PLCB1: variants seen among roughly 807,000 people sequenced by gnomAD.
The protein encoded by PLCB1 is 1-phosphatidylinositol 4,5-bisphosphate phosphodiesterase beta-1.
A neutral mutation model predicts 161.8 loss-of-function variants in PLCB1; 46 were observed. That is an observed-to-expected ratio of 0.28 (90% CI 0.22 to 0.36). PLCB1 has a LOEUF of 0.36. Ranked by LOEUF, PLCB1 falls within the 10% of genes least tolerant of loss-of-function variation. The probability of loss-of-function intolerance (pLI) is 1.00; values close to 1 mark genes in which losing one functional copy is unlikely to be tolerated. For synonymous variants in PLCB1, 517 were observed against 503.7 expected (o/e 1.03, Z -0.35); for missense variants, 1,016 against 1,472.5 (o/e 0.69, Z 5.07).
At chr20:8,810,175 A>G (rs774863412) in intron 31 of PLCB1, among the ~76,000 whole-genome samples, 11 of 152,216 alleles carry the variant, frequency 7.2e-5, no homozygotes, top group Non-Finnish European at 1.3e-4. Context: ...TTGAAAATGT[A>G]ATACCATCTG....
chr20:8,353,399 A>G (rs1020950238), intron 2 of PLCB1, among the ~76,000 whole-genome samples: 1 of 152,132 alleles, frequency 6.6e-6, no homozygotes, highest in Non-Finnish European at 1.5e-5. Context: ...ATGTAGGAGC[A>G]TAACTGCCTT....
intron 2 of PLCB1, among the ~76,000 whole-genome samples, chr20:8,329,319 A>ATTTTTTTT (rs1568634024): frequency 7.1e-6 from 1 of 141,306 alleles, no homozygotes. Flanking sequence ...TAAAATAAAT[A>ATTTTTTTT]CTTTTTTTTT....
intron 3 of PLCB1, among the ~76,000 whole-genome samples, chr20:8,465,176 T>C (rs2122697837): frequency 6.6e-6 from 1 of 152,256 alleles, no homozygotes; most frequent in East Asian, 1.9e-4. Flanking sequence ...TGGAACTTTC[T>C]TTTAAGTGTT....
At chr20:8,536,594 A>C (rs138914634) in intron 3 of PLCB1, among the ~76,000 whole-genome samples, 1 of 152,282 alleles carries the variant, frequency 6.6e-6, no homozygotes, top group Non-Finnish European at 1.5e-5. Flanking sequence ...TAGACATCCC[A>C]GGTGATCATC....
chr20:8,742,985 A>G (rs1394446252), intron 23 of PLCB1, among the ~76,000 whole-genome samples: 1 of 152,236 alleles, frequency 6.6e-6, no homozygotes, highest in Admixed American at 6.5e-5. Flanking sequence ...ATACAAGATC[A>G]TGTTATCTGC....
intron 24 of PLCB1, among the ~76,000 whole-genome samples, chr20:8,757,415 C>T (rs539287327): frequency 2.6e-4 from 39 of 152,274 alleles, no homozygotes; most frequent in Admixed American, 1.8e-3. Flanking sequence ...CCCAGATTTC[C>T]GGTGTCCTTT....
chr20:8,711,053 A>T (rs1359019510), intron 12 of PLCB1, among the ~76,000 whole-genome samples: 1 of 152,206 alleles, frequency 6.6e-6, no homozygotes, highest in Non-Finnish European at 1.5e-5. Flanking sequence ...AGGTGCTTCT[A>T]AGAGTAAATA....
chr20:8,269,118 G>T lies in PLCB1; in HGVS notation c.178-102264G>T, dbSNP rs150429526. 9.5e-3 allele frequency among the ~76,000 whole-genome samples: 1,439 copies of T among 152,062 alleles called. 47 individuals are homozygous for T. Among genetic ancestry groups the T allele is most frequent in the Admixed American group, 0.07 (1,067 of 15,260 alleles). On this transcript the variant is annotated intron_variant, in intron 2 of 31. Transcript: ENST00000338037. ...TTTTTATTATGCTTTAATTTCTGGG[G>T]TACATGTGCAGAATGTGCAGGTTTG...
At chr20:8,186,705 T>C (rs2051910232) in intron 2 of PLCB1, among the ~76,000 whole-genome samples, 1 of 152,080 alleles carries the variant, frequency 6.6e-6, no homozygotes, top group Non-Finnish European at 1.5e-5. Context: ...AAAAACCTTA[T>C]TAGAGAGAAA....
At chr20:8,718,159 G>T (rs1015346476) in intron 14 of PLCB1, among the ~76,000 whole-genome samples, 1 of 152,110 alleles carries the variant, frequency 6.6e-6, no homozygotes, top group Non-Finnish European at 1.5e-5. Context: ...GGCAGATGTT[G>T]CAGTAAGACA....
At chr20:8,524,144 A>G (rs1354506533) in intron 3 of PLCB1, among the ~76,000 whole-genome samples, 1 of 152,198 alleles carries the variant, frequency 6.6e-6, no homozygotes, top group Non-Finnish European at 1.5e-5. Flanking sequence ...AAAAAATAGC[A>G]AGATTGTTAT....
In PLCB1 at chr20:8,799,293, T is replaced by C. The variant is rs1179705111; in HGVS notation, c.3423+9032T>C. 2.6e-5 allele frequency among the ~76,000 whole-genome samples: 4 copies of C among 152,210 alleles called. No homozygotes were observed. The East Asian group carries it at 5.8e-4, about 22-fold the overall frequency. ...CTACATGTTGGTGGGGTTCAGCGTCTTCCCAGCAAACAATGATTTTAACAC... is the reference window on the plus strand; with the variant it reads ...CTACATGTTGGTGGGGTTCAGCGTCCTCCCAGCAAACAATGATTTTAACAC... On this transcript the variant is annotated intron_variant, in intron 31 of 31. Coordinates refer to ENST00000338037, the MANE Select transcript of PLCB1 (RefSeq NM_015192.4).
At chr20:8,345,359 C>A (rs182918170) in intron 2 of PLCB1, among the ~76,000 whole-genome samples, 2 of 152,102 alleles carry the variant, frequency 1.3e-5, no homozygotes, top group Admixed American at 1.3e-4. Flanking sequence ...ATGTCCTCAG[C>A]GAATGACCCT....
In PLCB1 at chr20:8,527,177, G is replaced by T. The variant is rs144172682; in HGVS notation, c.247-101117G>T. ...TTCAGATTTCTTATACAGAAAAATG[G>T]GTATAATTGTATCTTTTTCTTGGAT... is the stretch of plus-strand genomic sequence containing the variant. On this transcript the variant is annotated intron_variant, in intron 3 of 31. Transcript: ENST00000338037. Among the ~76,000 whole-genome samples the T allele has an allele frequency of 7.2e-3, 1,087 of 151,920 alleles. 4 individuals are homozygous for T. The highest frequency in any genetic ancestry group is 0.014 in the Middle Eastern group (4 of 294).
chr20:8,759,532 C>G (rs1981906283), intron 24 of PLCB1, among the ~76,000 whole-genome samples: 1 of 152,100 alleles, frequency 6.6e-6, no homozygotes, highest in Non-Finnish European at 1.5e-5. Flanking sequence ...CAGAGTTTGG[C>G]TCTTGTTGCC....
chr20:8,661,231 C>T (rs1258365076), intron 9 of PLCB1, among the ~76,000 whole-genome samples: 2 of 152,208 alleles, frequency 1.3e-5, no homozygotes, highest in African/African-American at 4.8e-5. Flanking sequence ...TGATGAAATC[C>T]TTAATGTAGA....
intron 27 of PLCB1, among the ~76,000 whole-genome samples, chr20:8,777,208 G>A (rs1685594817): frequency 6.6e-6 from 1 of 152,074 alleles, no homozygotes; most frequent in African/African-American, 2.4e-5. Context: ...AGTGAGGTGG[G>A]AACTGTTGGA....
At chr20:8,770,328 C>T (rs1982611111) in intron 26 of PLCB1, among the ~76,000 whole-genome samples, 1 of 152,194 alleles carries the variant, frequency 6.6e-6, no homozygotes, top group African/African-American at 2.4e-5. Context: ...AAGGAGGAAG[C>T]TGAAAGCTAA....
At chr20:8,235,616 C>T (rs566558414) in intron 2 of PLCB1, among the ~76,000 whole-genome samples, 17 of 151,986 alleles carry the variant, frequency 1.1e-4, no homozygotes, top group Non-Finnish European at 2.2e-4. Context: ...TATTCGTGCA[C>T]GTCCCTATTA....
Sources: gnomAD v4.1 joint callset for allele counts (sites outside exome capture counted in the v4.1 genomes callset) on GRCh38, gnomAD v4.1.1 for gene constraint, MANE v1.5 for transcripts, NCBI Gene and HGNC (gene_info 2026-07-23, HGNC 2026-07-21) for gene names.